Variants in EXOC4 observed in about 807,000 individuals in gnomAD.
The protein encoded by EXOC4 is exocyst complex component 4.
EXOC4 carries 71 observed loss-of-function variants against 107.2 expected under a neutral mutation model. The ratio of observed to expected loss-of-function variants is 0.66; its 90% CI spans 0.55 to 0.81. EXOC4 has a LOEUF of 0.81. Among genes scored for constraint, EXOC4 ranks in the 30% least tolerant of loss-of-function variants. The pLI is 0.00. For synonymous variants in EXOC4, 456 were observed against 441.2 expected, an observed-to-expected ratio of 1.03 and a Z score of -0.42; for missense variants, 1,108 against 1,189.6, an observed-to-expected ratio of 0.93 and a Z score of 1.01.
intron 9 of EXOC4, chr7:133,576,510 C>T (rs1336372586): frequency 3.9e-6 from 5 of 1,287,226 alleles, no homozygotes; most frequent in Non-Finnish European, 1.0e-6. Flanking sequence ...AAAACGTTTT[C>T]TTACATGGCC....
At chr7:133,436,058 T>TTG (rs1554452696) in intron 7 of EXOC4, among the ~76,000 whole-genome samples, 181 of 151,340 alleles carry the variant, frequency 1.2e-3, no homozygotes, top group African/African-American at 3.7e-3. Flanking sequence ...GTTTTTTTTT[T>TTG]TTTGTTTTTT....
intron 1 of EXOC4, among the ~76,000 whole-genome samples, chr7:133,273,628 A>G (rs1240220319): frequency 6.6e-6 from 1 of 152,222 alleles, no homozygotes; most frequent in Non-Finnish European, 1.5e-5. Flanking sequence ...GATTGAAGTC[A>G]AAGACTGGCC....
chr7:133,619,408 C>G (rs1162523721), intron 9 of EXOC4, among the ~76,000 whole-genome samples: 1 of 152,184 alleles, frequency 6.6e-6, no homozygotes, highest in African/African-American at 2.4e-5. Context: ...TCTATATGAA[C>G]TAGTACTAAT....
intron 6 of EXOC4, among the ~76,000 whole-genome samples, chr7:133,359,652 T>A (rs779631285): frequency 1.3e-5 from 2 of 152,194 alleles, no homozygotes; most frequent in Non-Finnish European, 2.9e-5. Flanking sequence ...AAAAGTTTCA[T>A]CATCTTATTA....
intron 10 of EXOC4, among the ~76,000 whole-genome samples, chr7:133,684,318 A>G (rs1448030841): frequency 2.0e-5 from 3 of 152,204 alleles, no homozygotes; most frequent in Non-Finnish European, 4.4e-5. Flanking sequence ...ACTTTGTAAA[A>G]GATTCAAAAT....
chr7:133,302,471 A>G (rs1318285780), intron 3 of EXOC4, among the ~76,000 whole-genome samples: 5 of 152,206 alleles, frequency 3.3e-5, no homozygotes, highest in Admixed American at 2.0e-4. Flanking sequence ...AGAATTCTAA[A>G]TACATTTAGG....
chr7:133,934,931 T>A (rs1309032380), intron 13 of EXOC4, among the ~76,000 whole-genome samples: 2 of 151,126 alleles, frequency 1.3e-5, no homozygotes, highest in African/African-American at 4.9e-5. Flanking sequence ...GAAAGTTTTC[T>A]TGGGATGACA....
At chr7:133,825,742 A>G (rs527885930) in intron 11 of EXOC4, among the ~76,000 whole-genome samples, 1 of 152,330 alleles carries the variant, frequency 6.6e-6, no homozygotes, top group Admixed American at 6.5e-5. Context: ...CTGGTAGAGA[A>G]TAGATTCAGC....
chr7:133,994,061 G>A (rs573580160), intron 14 of EXOC4, among the ~76,000 whole-genome samples: 11 of 152,274 alleles, frequency 7.2e-5, no homozygotes, highest in Admixed American at 1.3e-4. Flanking sequence ...GCTTCCTTTC[G>A]TGGAACAATG....
At chr7:133,364,761 A>G (rs1170587259) in intron 6 of EXOC4, among the ~76,000 whole-genome samples, 1 of 152,200 alleles carries the variant, frequency 6.6e-6, no homozygotes, top group Non-Finnish European at 1.5e-5. Context: ...GCCATCTGGT[A>G]TCTCACCTGA....
chr7:133,917,861 T>G, intron 13 of EXOC4, 123 bp downstream of exon 13: 1 of 915,382 alleles, frequency 1.1e-6, no homozygotes, highest in East Asian at 2.7e-5. Context: ...TTGAACTTAG[T>G]AAAATATGTT....
chr7:133,299,709 AGCACTTTATCTT>A (rs2150560234), intron 3 of EXOC4, among the ~76,000 whole-genome samples: 1 of 152,310 alleles, frequency 6.6e-6, no homozygotes, highest in African/African-American at 2.4e-5. Context: ...TTTCTTTGAC[AGCACTTTATCTT>A]GCAGGCCCCC....
At chr7:134,048,310 G>C (rs184664739) in intron 17 of EXOC4, among the ~76,000 whole-genome samples, 1 of 152,314 alleles carries the variant, frequency 6.6e-6, no homozygotes, top group East Asian at 1.9e-4. Flanking sequence ...TAATTTTTTA[G>C]TCCTGCAAAG....
At chr7:133,608,385 C>T (rs1202389749) in intron 9 of EXOC4, among the ~76,000 whole-genome samples, 5 of 151,650 alleles carry the variant, frequency 3.3e-5, no homozygotes, top group Admixed American at 2.6e-4. Flanking sequence ...AACTACTGAA[C>T]ACTATTAGAG....
In EXOC4 at chr7:133,854,447, CACAT is replaced by C. The variant is rs200494847; in HGVS notation, c.1734+36908_1734+36911del. 1.9e-3 allele frequency among the ~76,000 whole-genome samples: 281 copies of C among 150,400 alleles called. 4 individuals carry two copies. The highest frequency in any genetic ancestry group is 6.0e-3 in the African/African-American group (245 of 40,574). ...ACACACACACACACACACACACACA[CACAT>C]ACATTTTAATCCTGTGCTTCACATG... On this transcript the variant is annotated intron_variant, in intron 11 of 17. Transcript: ENST00000253861.
the EXOC4 span, among the ~76,000 whole-genome samples, chr7:134,079,343 C>T: frequency 6.6e-6 from 1 of 152,148 alleles, no homozygotes; most frequent in African/African-American, 2.4e-5. Context: ...GTTCTGCATG[C>T]ATTCTGGGTG....
chr7:134,006,610 A>G (rs1794647916), intron 16 of EXOC4, among the ~76,000 whole-genome samples: 1 of 152,106 alleles, frequency 6.6e-6, no homozygotes, highest in Non-Finnish European at 1.5e-5. Context: ...ATGGACCTAA[A>G]GATAAGCCCC....
intron 11 of EXOC4, among the ~76,000 whole-genome samples, chr7:133,857,118 ATATATATG>A (rs1798395803): frequency 1.1e-5 from 1 of 91,120 alleles, no homozygotes; most frequent in African/African-American, 4.8e-5. Flanking sequence ...ATATGTGTAT[ATATATATG>A]TATATATATA....
chr7:133,712,213 G>C lies in EXOC4; in HGVS notation c.1514+82072G>C, dbSNP rs149561124. ...CCAGCACTCTGGGAGGCCGAGGTGG[G>C]CAAATCACCTGATGTTGGGAGTTCA... On this transcript the variant is annotated intron_variant, in intron 10 of 17. Coordinates refer to ENST00000253861, the MANE Select transcript of EXOC4 (RefSeq NM_021807.4). 7.0e-4 allele frequency among the ~76,000 whole-genome samples: 106 copies of C among 152,150 alleles called. 3 individuals are homozygous for C. In the East Asian group the frequency reaches 0.017, roughly 24 times the overall value.
Sources: gnomAD v4.1 joint callset for allele counts (sites outside exome capture counted in the v4.1 genomes callset) on GRCh38, gnomAD v4.1.1 for gene constraint, MANE v1.5 for transcripts, NCBI Gene and HGNC (gene_info 2026-07-23, HGNC 2026-07-21) for gene names.